ANKLE2: variants seen among roughly 807,000 people sequenced by gnomAD.
ANKLE2 encodes the protein ankyrin repeat and LEM domain containing 2.
ANKLE2 carries 55 observed loss-of-function variants against 84.2 expected under a neutral mutation model. The observed-to-expected ratio is 0.65, with a 90% CI of 0.53 to 0.82. ANKLE2 has a LOEUF of 0.82. ANKLE2 is among the 40% of genes least tolerant of loss of function. The pLI is 0.00. For synonymous variants in ANKLE2, 551 were observed against 486.1 expected, an observed-to-expected ratio of 1.13 and a Z score of -1.76; for missense variants, 1,238 against 1,201.9, an observed-to-expected ratio of 1.03 and a Z score of -0.44.
In ANKLE2 at chr12:132,754,734, T is replaced by G. The variant is rs1462177631; in HGVS notation, c.581A>C (p.Lys194Thr). ...CACCCCATAGTACAGGGGCGGCTCC[T>G]TAGACGCAGTCGCTCCAGCTCTGTA... ...DTYRAGATAS[K>T]EPPLYYGVCP... The change falls in exon 2 of 13, where the codon AAG becomes ACG. Residue 194 changes from lysine to threonine, a missense_variant. Lys to Thr is a moderately conservative substitution (Grantham distance 78, BLOSUM62 -1). This residue lies in a region of ANKLE2 where 422 missense variants were observed against 394.5 expected (regional missense o/e 1.07). Coordinates refer to ENST00000357997, the MANE Select transcript of ANKLE2 (RefSeq NM_015114.3). 3.1e-6 allele frequency: 5 copies of G among 1,614,020 alleles called. No individual in the cohort carries two copies. Among genetic ancestry groups the G allele is most frequent in the Non-Finnish European group, 4.2e-6 (5 of 1,180,032 alleles).
At position 132,729,780 on chromosome 12, in the gene ANKLE2, C is replaced by A; in HGVS notation, c.2382G>T (p.Met794Ile). Residue 794 changes from methionine (M) to isoleucine (I), a missense_variant, in exon 11 of 13, where the codon ATG becomes ATT. Met to Ile is a conservative substitution (Grantham distance 10). Around this residue, in one of 3 missense-constraint regions of ANKLE2, gnomAD observed 802 missense variants for 774.5 expected, o/e 1.04. Transcript: ENST00000357997. ...GNGHRRTESE[M>I]SARIAKMSLS... ...AGGACATTTTAGCGATCCTGGCTGA[C>A]ATTTCACTTTCTGTCCTCCTGTGGC... 4 of 1,612,810 alleles carry A rather than the reference C, an allele frequency of 2.5e-6. No homozygotes were observed. The highest frequency in any genetic ancestry group is 3.4e-6 in the Non-Finnish European group (4 of 1,179,720).
chr12:132,748,333 T>C lies in ANKLE2; in HGVS notation c.848-2A>G, dbSNP rs2044283713. On this transcript the variant is annotated splice_acceptor_variant, in intron 3 of 12. Coordinates refer to ENST00000357997, the MANE Select transcript of ANKLE2 (RefSeq NM_015114.3). LOFTEE classifies it high-confidence loss of function. ...CTGATTCCGACAAGCACAAACCATCTGTCAGTAAGAGACAGAATTTAAGAA... is the reference window on the plus strand; with the variant it reads ...CTGATTCCGACAAGCACAAACCATCCGTCAGTAAGAGACAGAATTTAAGAA... 4 of 1,614,054 alleles carry C rather than the reference T, an allele frequency of 2.5e-6. No individual in the cohort carries two copies. The highest frequency in any genetic ancestry group is 3.4e-6 in the Non-Finnish European group (4 of 1,180,018).
At chr12:132,761,464 C>A in intron 1 of ANKLE2, 154 bp downstream of exon 1, 1 of 640,540 alleles carries the variant, frequency 1.6e-6, no homozygotes, top group Non-Finnish European at 2.2e-6. Context: ...TTTCCGCGGC[C>A]GGAATGGCCT....
In ANKLE2 at chr12:132,737,079, C is replaced by G; in HGVS notation, c.1421-14G>C. The G allele has an allele frequency of 6.3e-7, 1 of 1,579,186 alleles. No homozygotes were observed. The highest frequency in any genetic ancestry group is 8.6e-7 in the Non-Finnish European group (1 of 1,157,018). On this transcript the variant is annotated splice_polypyrimidine_tract_variant and intron_variant, in intron 7 of 12. Coordinates refer to ENST00000357997, the MANE Select transcript of ANKLE2 (RefSeq NM_015114.3). ...CGTAGTAGTGGCCTGAGGGAGGAGA[C>G]AGGCACTGGCTGCAGGCTTCCGCCC...
Position 132,761,640 on chromosome 12 carries a change from G to T in ANKLE2, c.159C>A (p.Ser53Arg). The change falls in exon 1 of 13, where the codon AGC becomes AGA. Residue 53 changes from serine to arginine, a missense_variant. By Grantham distance (110) the Ser-to-Arg change is moderately radical (BLOSUM62 -1). Coordinates refer to ENST00000357997, the MANE Select transcript of ANKLE2 (RefSeq NM_015114.3). ...GRSGTPVPPPSAAAAPASGEM... is the reference protein window; with the variant it reads ...GRSGTPVPPPRAAAAPASGEM... The stretch of plus-strand genomic sequence containing the variant: ...TACCTGAGGCGGGGGCGGCGGCCGC[G>T]CTTGGCGGAGGAACTGGGGTCCCGC... The T allele has an allele frequency of 7.9e-7, 1 of 1,265,538 alleles. No homozygotes were observed. Among genetic ancestry groups the T allele is most frequent in the Non-Finnish European group, 9.9e-7 (1 of 1,006,926 alleles). The allele number at this position is 1,265,538 out of a possible 1,614,324, so 78.4% of individuals were successfully genotyped here. A position where few individuals can be genotyped will look rare whatever the true frequency, so the allele number is the denominator to read the frequency against.
At position 132,730,377 on chromosome 12, in the gene ANKLE2, T is replaced by TGC. The variant is rs1312561471; in HGVS notation, c.1892-108_1892-107insGC. 1,220 of 201,236 alleles carry TGC rather than the reference T, an allele frequency of 6.1e-3. 2 individuals are homozygous for TGC. The highest frequency in any genetic ancestry group is 0.026 in the East Asian group (73 of 2,788). 12.5% of individuals were successfully genotyped at this position (201,236 alleles called of 1,614,324 possible). On this transcript the variant is annotated intron_variant, in intron 10 of 12. Coordinates refer to ENST00000357997, the MANE Select transcript of ANKLE2 (RefSeq NM_015114.3). Reference sequence around the variant, plus strand: ...CCGTGACCCCAGCAACAGCAACTCTTATACCCAAAACCTCCCCACTCCATC... The same window carrying TGC: ...CCGTGACCCCAGCAACAGCAACTCTTGCATACCCAAAACCTCCCCACTCCATC...
intron 12 of ANKLE2, 37 bp from the exon 13 acceptor site, chr12:132,727,480 A>C (rs2043723921): frequency 1.9e-6 from 3 of 1,541,430 alleles, no homozygotes; most frequent in South Asian, 1.2e-5. Context: ...GCAGACGGGC[A>C]CAGGCCCGGA....
At chr12:132,741,797 C>A in intron 6 of ANKLE2, 1 of 509,228 alleles carries the variant, frequency 2.0e-6, no homozygotes, top group East Asian at 5.4e-5. Flanking sequence ...AGCACGTGAA[C>A]ATGTTTCTAA....
chr12:132,729,138 G>A (rs2043770990), intron 11 of ANKLE2, among the ~76,000 whole-genome samples: 2 of 151,578 alleles, frequency 1.3e-5, no homozygotes, highest in Admixed American at 6.6e-5. Flanking sequence ...GGATCACGAG[G>A]TCAGGAGTTC....
At chr12:132,757,908 TAA>T (rs1373230471) in intron 1 of ANKLE2, 1 of 141,406 alleles carries the variant, frequency 7.1e-6, no homozygotes, top group Non-Finnish European at 1.5e-5. Flanking sequence ...AAATTAAGCC[TAA>T]GAGTTTGAGG....
intron 2 of ANKLE2, 149 bp from the exon 3 acceptor site, chr12:132,750,998 T>A: frequency 1.5e-6 from 1 of 652,708 alleles, no homozygotes; most frequent in Non-Finnish European, 2.6e-6. Context: ...AAAAAGGGCC[T>A]AAGCTAGCCA....
At chr12:132,752,286 G>A (rs1461370494) in intron 2 of ANKLE2, among the ~76,000 whole-genome samples, 2 of 152,210 alleles carry the variant, frequency 1.3e-5, no homozygotes, top group Non-Finnish European at 2.9e-5. Context: ...GTTGGAGTGA[G>A]CCAAGATCGC....
chr12:132,754,575 T>A, intron 2 of ANKLE2, 100 bp downstream of exon 2: 1 of 1,245,584 alleles, frequency 8.0e-7, no homozygotes, highest in African/African-American at 1.5e-5. Flanking sequence ...GGGATTGGAT[T>A]TTTTCCTTCT....
At position 132,740,487 on chromosome 12, in the gene ANKLE2, G is replaced by C. The variant is rs535298946; in HGVS notation, c.1420+932C>G. ...TGATAAAATTTTATTTTTAAAAGCA[G>C]TCATTTGCGGACCCTGCTTTAAATA... On this transcript the variant is annotated intron_variant, in intron 7 of 12. Coordinates refer to ENST00000357997, the MANE Select transcript of ANKLE2 (RefSeq NM_015114.3). Among the ~76,000 whole-genome samples, 7 of 152,246 alleles carry C rather than the reference G, an allele frequency of 4.6e-5. No individual in the cohort carries two copies. The East Asian group carries it at 1.3e-3, about 29-fold the overall frequency.
At chr12:132,732,909 G>T (rs879130192) in intron 10 of ANKLE2, among the ~76,000 whole-genome samples, 121 of 98,254 alleles carry the variant, frequency 1.2e-3, no homozygotes, top group Middle Eastern at 8.6e-3. Flanking sequence ...CGTGTGAAGC[G>T]CTCTGCATCC....
In ANKLE2 at chr12:132,748,176, A is replaced by AC; in HGVS notation, c.1002dup (p.Tyr335ValfsTer44). 1 of 1,613,818 alleles carries AC rather than the reference A, an allele frequency of 6.2e-7. No homozygotes were observed. The highest frequency in any genetic ancestry group is 8.5e-7 in the Non-Finnish European group (1 of 1,179,950). On this transcript the variant is annotated frameshift_variant, in exon 4 of 13. Coordinates refer to ENST00000357997, the MANE Select transcript of ANKLE2 (RefSeq NM_015114.3). LOFTEE classifies it high-confidence loss of function. Reference sequence around the variant, plus strand: ...GGGTTGTCTCCTGAGCCTATCAGATACCGGGGGTTGCTCCAGATAAGGTCA... The same window carrying AC: ...GGGTTGTCTCCTGAGCCTATCAGATACCCGGGGGTTGCTCCAGATAAGGTCA...
At chr12:132,751,087 T>C (rs2044345672) in intron 2 of ANKLE2, 1 of 383,930 alleles carries the variant, frequency 2.6e-6, no homozygotes, top group East Asian at 4.0e-5. Context: ...TATGTAATTC[T>C]ATATGCCAAG....
chr12:132,754,537 A>G, intron 2 of ANKLE2, 138 bp downstream of exon 2: 1 of 770,356 alleles, frequency 1.3e-6, no homozygotes, highest in Non-Finnish European at 2.0e-6. Flanking sequence ...AAATGTTAAC[A>G]ATGGTTAACT....
intron 3 of ANKLE2, among the ~76,000 whole-genome samples, chr12:132,750,091 GCTA>G (rs1386934865): frequency 6.6e-6 from 1 of 151,068 alleles, no homozygotes; most frequent in African/African-American, 2.4e-5. Flanking sequence ...TGTAATCCCA[GCTA>G]CTCGGGAGGC....
Sources: gnomAD v4.1 joint callset for allele counts (sites outside exome capture counted in the v4.1 genomes callset) on GRCh38, gnomAD v4.1.1 for gene constraint, gnomAD v4.1.1 regional missense constraint, MANE v1.5 for transcripts, NCBI Gene and HGNC (gene_info 2026-07-23, HGNC 2026-07-21) for gene names.